Variants in CACNA2D3 observed in about 807,000 individuals in gnomAD.
CACNA2D3 encodes the protein calcium voltage-gated channel auxiliary subunit alpha2delta 3.
In CACNA2D3, 60 loss-of-function variants were observed where a neutral mutation model predicts 160.6. The ratio of observed to expected loss-of-function variants is 0.37; its 90% CI spans 0.30 to 0.46. The LOEUF (loss-of-function observed/expected upper bound fraction) is 0.46. Ranked by LOEUF, CACNA2D3 falls within the 20% of genes least tolerant of loss-of-function variation. CACNA2D3 has a pLI of 1.00. For synonymous variants in CACNA2D3, 558 were observed against 492.9 expected (o/e 1.13, Z -1.75); for missense variants, 1,205 against 1,365.0 (o/e 0.88, Z 1.85).
intron 31 of CACNA2D3, among the ~76,000 whole-genome samples, chr3:54,991,836 A>T (rs1215708704): frequency 2.0e-5 from 3 of 152,224 alleles, no homozygotes; most frequent in African/African-American, 7.2e-5. Context: ...ACTAAAATAC[A>T]ATATGTTAAA....
At chr3:54,910,205 A>G (rs1459056725) in intron 27 of CACNA2D3, among the ~76,000 whole-genome samples, 4 of 152,192 alleles carry the variant, frequency 2.6e-5, no homozygotes, top group Non-Finnish European at 5.9e-5. Context: ...TCAAAATAAA[A>G]TTTCAGAATG....
intron 14 of CACNA2D3, among the ~76,000 whole-genome samples, chr3:54,822,798 TC>T (rs1559595680): frequency 1.2e-5 from 1 of 81,886 alleles, no homozygotes; most frequent in African/African-American, 5.2e-5. Context: ...TTCCTTTCTT[TC>T]TTTCTTTCTT....
chr3:54,871,223 A>C (rs59878294), intron 17 of CACNA2D3, among the ~76,000 whole-genome samples: 60,650 of 143,970 alleles, frequency 0.42, 13,303 homozygotes, highest in East Asian at 0.74. Context: ...ACACACACAC[A>C]CCCCCCATTC....
chr3:54,664,909 T>G (rs1023957566), intron 11 of CACNA2D3, among the ~76,000 whole-genome samples: 4 of 152,228 alleles, frequency 2.6e-5, no homozygotes, highest in African/African-American at 9.6e-5. Context: ...TGGGACCAGA[T>G]TGCCCTGCTC....
intron 11 of CACNA2D3, among the ~76,000 whole-genome samples, chr3:54,718,362 T>G (rs1701102209): frequency 6.6e-6 from 1 of 152,164 alleles, no homozygotes; most frequent in African/African-American, 2.4e-5. Flanking sequence ...GAAGCTTAAT[T>G]ATTAAGCTTC....
intron 2 of CACNA2D3, among the ~76,000 whole-genome samples, chr3:54,153,896 G>A (rs1700194586): frequency 1.3e-5 from 2 of 152,150 alleles, no homozygotes; most frequent in African/African-American, 4.8e-5. Context: ...GTGCACTTTT[G>A]ATAAAGTGAA....
At chr3:54,586,356 A>G (rs1702761665) in intron 9 of CACNA2D3, among the ~76,000 whole-genome samples, 1 of 147,282 alleles carries the variant, frequency 6.8e-6, no homozygotes, top group African/African-American at 2.4e-5. Context: ...GCTAACATTA[A>G]TTTTAAAGTA....
Position 54,480,732 on chromosome 3 carries a change from G to A in CACNA2D3, c.382-22760G>A, listed in dbSNP as rs147947818. 4.1e-3 allele frequency among the ~76,000 whole-genome samples: 621 copies of A among 152,186 alleles called. 5 individuals carry two copies. The highest frequency in any genetic ancestry group is 7.3e-3 in the Non-Finnish European group (498 of 68,004). On this transcript the variant is annotated intron_variant, in intron 4 of 37. Coordinates refer to ENST00000474759, the MANE Select transcript of CACNA2D3 (RefSeq NM_018398.3). ...TTCTTTTGGTGGAAAACATGGGCTT[G>A]TATTTCCATTTACCACTCTGCTGGA...
intron 34 of CACNA2D3, among the ~76,000 whole-genome samples, chr3:55,017,121 T>A (rs1036983171): frequency 6.6e-6 from 1 of 152,172 alleles, no homozygotes; most frequent in South Asian, 2.1e-4. Context: ...TAAATAAGAT[T>A]TTTTTTTCCT....
intron 27 of CACNA2D3, among the ~76,000 whole-genome samples, chr3:54,929,279 G>T (rs943575354): frequency 6.6e-6 from 1 of 152,148 alleles, no homozygotes; most frequent in African/African-American, 2.4e-5. Context: ...ACATGGCCCA[G>T]AGTGTCTTCA....
At chr3:54,827,474 G>A (rs1052760503) in intron 14 of CACNA2D3, among the ~76,000 whole-genome samples, 4 of 152,164 alleles carry the variant, frequency 2.6e-5, no homozygotes, top group East Asian at 1.9e-4. Context: ...GTTTGCTTCC[G>A]TTTGCTTGTT....
chr3:54,708,936 G>A (rs1327479429), intron 11 of CACNA2D3, among the ~76,000 whole-genome samples: 1 of 151,300 alleles, frequency 6.6e-6, no homozygotes, highest in Non-Finnish European at 1.5e-5. Flanking sequence ...GTATGATAAG[G>A]TGAGGCCAAT....
intron 29 of CACNA2D3, among the ~76,000 whole-genome samples, chr3:54,974,063 CA>C (rs1702332026): frequency 6.6e-6 from 1 of 152,122 alleles, no homozygotes. Context: ...TCCAATCAAA[CA>C]AAAGGCATCC....
At chr3:54,390,721 T>A (rs150716810) in intron 4 of CACNA2D3, among the ~76,000 whole-genome samples, 2 of 152,342 alleles carry the variant, frequency 1.3e-5, no homozygotes, top group Non-Finnish European at 2.9e-5. Flanking sequence ...GAAGCTTCTA[T>A]GCTATTAAGT....
intron 25 of CACNA2D3, among the ~76,000 whole-genome samples, chr3:54,893,772 C>T (rs1456348039): frequency 7.1e-6 from 1 of 140,072 alleles, no homozygotes; most frequent in Non-Finnish European, 1.6e-5. Flanking sequence ...TGGCCGTCAC[C>T]CCCAATAGTT....
chr3:54,526,327 ACT>A (rs1485074074), intron 5 of CACNA2D3, among the ~76,000 whole-genome samples: 2 of 151,732 alleles, frequency 1.3e-5, no homozygotes, highest in Non-Finnish European at 2.9e-5. Context: ...ATTTCTGGTC[ACT>A]CTCACAGGCA....
At chr3:54,320,699 T>C (rs917871293) in intron 3 of CACNA2D3, 141 bp downstream of exon 3, 2 of 535,356 alleles carry the variant, frequency 3.7e-6, no homozygotes, top group East Asian at 6.5e-5. Flanking sequence ...TACAGTCTGG[T>C]TAGCCAGGAA....
rs184990107 is a variant in CACNA2D3 at position 54,152,512 on chromosome 3, G to A, written c.204+28918G>A. ...GCCTCAAATATTTCTAAAGGAATAAGTGGATTTTTCTCAGAAGCTGTTCAT... is the reference window on the plus strand; with the variant it reads ...GCCTCAAATATTTCTAAAGGAATAAATGGATTTTTCTCAGAAGCTGTTCAT... On this transcript the variant is annotated intron_variant, in intron 2 of 37. Coordinates refer to ENST00000474759, the MANE Select transcript of CACNA2D3 (RefSeq NM_018398.3). 1.4e-3 allele frequency among the ~76,000 whole-genome samples: 215 copies of A among 152,322 alleles called. 1 individual carries two copies. Among genetic ancestry groups the A allele is most frequent in the African/African-American group, 4.9e-3 (203 of 41,564 alleles).
At chr3:54,528,001 T>A (rs1214219945) in intron 5 of CACNA2D3, among the ~76,000 whole-genome samples, 1 of 152,232 alleles carries the variant, frequency 6.6e-6, no homozygotes, top group Admixed American at 6.5e-5. Context: ...AGTTTCACTA[T>A]GGAACAGTTC....
Sources: allele counts gnomAD v4.1 joint callset (sites outside exome capture counted in the v4.1 genomes callset), GRCh38; gene constraint gnomAD v4.1.1; transcripts MANE v1.5; gene names NCBI Gene and HGNC (gene_info 2026-07-23, HGNC 2026-07-21).